The following TDRD7 variants were observed in gnomAD, a reference collection of about 807,000 sequenced individuals.
The protein encoded by TDRD7 is tudor domain containing 7, also known as tudor domain-containing protein 7.
In TDRD7, 47 loss-of-function variants were observed where a neutral mutation model predicts 109.8. That is an observed-to-expected ratio of 0.43 (90% CI 0.34 to 0.55). The LOEUF (loss-of-function observed/expected upper bound fraction) is 0.55, where lower values mean the gene tolerates loss of function less well. TDRD7 is among the 20% of genes least tolerant of loss of function. TDRD7 has a pLI of 0.03. For synonymous variants in TDRD7, 424 were observed against 457.3 expected (o/e 0.93, Z 0.93); for missense variants, 1,164 against 1,319.2 (o/e 0.88, Z 1.82).
chr9:97,423,866 A>G (rs1280930130), intron 1 of TDRD7, among the ~76,000 whole-genome samples: 1 of 152,050 alleles, frequency 6.6e-6, no homozygotes, highest in African/African-American at 2.4e-5. Context: ...CACAGAATAT[A>G]CTTTTTATAA....
At chr9:97,475,031 C>CA (rs1828992525) in intron 11 of TDRD7, among the ~76,000 whole-genome samples, 3 of 152,220 alleles carry the variant, frequency 2.0e-5, no homozygotes, top group Admixed American at 1.3e-4. Flanking sequence ...ACAGCTCTCG[C>CA]AACCTCCTCA....
intron 16 of TDRD7, among the ~76,000 whole-genome samples, chr9:97,493,119 AC>A (rs1286343972): frequency 6.6e-6 from 1 of 152,096 alleles, no homozygotes. Context: ...TTCTCCAGGG[AC>A]CTTGGGATTA....
intron 8 of TDRD7, among the ~76,000 whole-genome samples, chr9:97,465,930 G>C (rs1421633001): frequency 6.6e-6 from 1 of 152,162 alleles, no homozygotes; most frequent in Non-Finnish European, 1.5e-5. Flanking sequence ...ACACTGTGTA[G>C]AAGGGTGACC....
At chr9:97,426,688 A>G (rs1278512224) in intron 1 of TDRD7, among the ~76,000 whole-genome samples, 1 of 152,132 alleles carries the variant, frequency 6.6e-6, no homozygotes, top group Non-Finnish European at 1.5e-5. Context: ...ATTTTACAGA[A>G]CCTCTTTTAT....
rs1452120229 is a variant in TDRD7, at chr9:97,483,241, A to G, written c.2805A>G (p.Ile935Met). 1.9e-6 allele frequency: 3 copies of G among 1,613,512 alleles called. No individual in the cohort carries two copies. Among genetic ancestry groups the G allele is most frequent in the African/African-American group, 1.3e-5 (1 of 74,898 alleles). ...TCGTCATCCAGCCTTGGCAGGAGAT[A>G]CATAAGTTGGAAGTTCTGATGGAAG... ...GYFVIQPWQE[I>M]HKLEVLMEEM... The change falls in exon 15 of 17, where the codon ATA becomes ATG. Residue 935 changes from isoleucine to methionine, a missense_variant. Physicochemically the swap from Ile to Met is conservative, Grantham distance 10. Transcript: ENST00000355295.
intron 16 of TDRD7, among the ~76,000 whole-genome samples, chr9:97,492,251 G>T (rs1413212550): frequency 3.9e-5 from 6 of 152,192 alleles, no homozygotes; most frequent in African/African-American, 1.4e-4. Context: ...GTAGGCAGAA[G>T]TTCTACCAAC....
chr9:97,464,590 T>TC (rs1828791328), intron 7 of TDRD7, among the ~76,000 whole-genome samples: 1 of 152,134 alleles, frequency 6.6e-6, no homozygotes, highest in East Asian at 1.9e-4. Context: ...ACTCCTGACC[T>TC]TGTGATCTGC....
intron 6 of TDRD7, among the ~76,000 whole-genome samples, chr9:97,459,825 C>G (rs1436507818): frequency 6.6e-6 from 1 of 152,184 alleles, no homozygotes. Context: ...AATACCTTTT[C>G]ACAACTTATT....
intron 2 of TDRD7, 67 bp downstream of exon 2, chr9:97,428,739 A>G (rs954290480): frequency 1.3e-5 from 19 of 1,441,268 alleles, no homozygotes; most frequent in African/African-American, 9.8e-5. Flanking sequence ...GGCACTTCCA[A>G]TCTCCTACCT....
At chr9:97,425,902 G>GTA (rs1180476894) in intron 1 of TDRD7, among the ~76,000 whole-genome samples, 2 of 152,148 alleles carry the variant, frequency 1.3e-5, no homozygotes, top group African/African-American at 4.8e-5. Context: ...GAGCTATGTG[G>GTA]TATATAGCCT....
chr9:97,474,604 A>G (rs1282286117), intron 11 of TDRD7, among the ~76,000 whole-genome samples: 1 of 152,174 alleles, frequency 6.6e-6, no homozygotes, highest in Admixed American at 6.5e-5. Context: ...ACATTCCTAT[A>G]GCTTTATCTT....
chr9:97,423,785 CT>C (rs1172518871), intron 1 of TDRD7, among the ~76,000 whole-genome samples: 7 of 151,990 alleles, frequency 4.6e-5, no homozygotes, highest in Admixed American at 1.3e-4. Flanking sequence ...TTAGAAGTAT[CT>C]TGTTAAATTT....
intron 3 of TDRD7, among the ~76,000 whole-genome samples, 184 bp from the exon 4 acceptor site, chr9:97,431,841 C>A (rs552326752): frequency 6.6e-6 from 1 of 152,296 alleles, no homozygotes; most frequent in African/African-American, 2.4e-5. Context: ...AGAACCTTAT[C>A]TGCCAAATAC....
chr9:97,443,428 T>A (rs1291671946), intron 6 of TDRD7, among the ~76,000 whole-genome samples: 1 of 152,266 alleles, frequency 6.6e-6, no homozygotes, highest in African/African-American at 2.4e-5. Flanking sequence ...TTCGTAAGAA[T>A]GTGACCTCTG....
intron 1 of TDRD7, among the ~76,000 whole-genome samples, chr9:97,413,159 G>GA (rs1021351767): frequency 2.0e-5 from 3 of 152,074 alleles, no homozygotes; most frequent in African/African-American, 7.2e-5. Flanking sequence ...TCGTGCCGGT[G>GA]AAAAAAATGC....
At position 97,441,566 on chromosome 9, in the gene TDRD7, A is replaced by G. The variant is rs1197847553; in HGVS notation, c.638-92A>G. 1.2e-5 allele frequency: 15 copies of G among 1,206,086 alleles called. No homozygotes were observed. The East Asian group carries it at 3.3e-4, about 27-fold the overall frequency. 74.7% of individuals were successfully genotyped at this position (1,206,086 alleles called of 1,614,324 possible). On this transcript the variant is annotated intron_variant, in intron 5 of 16. Transcript: ENST00000355295. ...CCTTTGGCTACCACAAGCCCACACTATAGCAAAACCTGAAGATGCAAATAT... is the reference window on the plus strand; with the variant it reads ...CCTTTGGCTACCACAAGCCCACACTGTAGCAAAACCTGAAGATGCAAATAT...
intron 16 of TDRD7, 39 bp downstream of exon 16, chr9:97,487,371 C>A: frequency 1.9e-6 from 3 of 1,612,930 alleles, no homozygotes; most frequent in Non-Finnish European, 1.7e-6. Flanking sequence ...TACAACAATG[C>A]AATATTGTCA....
chr9:97,420,356 C>G (rs1827878056), intron 1 of TDRD7, among the ~76,000 whole-genome samples: 1 of 29,462 alleles, frequency 3.4e-5, no homozygotes, highest in Non-Finnish European at 5.6e-5. Flanking sequence ...CTTAAAAGAA[C>G]TTTTTTTTGG....
At chr9:97,441,560 C>T in intron 5 of TDRD7, 98 bp from the exon 6 acceptor site, 2 of 1,133,292 alleles carry the variant, frequency 1.8e-6, no homozygotes, top group Non-Finnish European at 2.6e-6. Flanking sequence ...ACCACAAGCC[C>T]ACACTATAGC....
Sources: gnomAD v4.1 joint callset for allele counts (sites outside exome capture counted in the v4.1 genomes callset) on GRCh38, gnomAD v4.1.1 for gene constraint, MANE v1.5 for transcripts, NCBI Gene and HGNC (gene_info 2026-07-23, HGNC 2026-07-21) for gene names.